DNAH11: variants seen among roughly 807,000 people sequenced by gnomAD.
DNAH11 encodes the protein axonemal beta dynein heavy chain 11.
DNAH11 carries 442 observed loss-of-function variants against 526.0 expected under a neutral mutation model. That is an observed-to-expected ratio of 0.84 (90% CI 0.78 to 0.91). The LOEUF (loss-of-function observed/expected upper bound fraction) is 0.91, where lower values mean the gene tolerates loss of function less well. Among genes scored for constraint, DNAH11 ranks in the 40% least tolerant of loss-of-function variants. The probability of loss-of-function intolerance (pLI) is 0.00; values close to 1 mark genes in which losing one functional copy is unlikely to be tolerated. For missense variants in DNAH11, 6,989 were observed against 5,448.7 expected, an observed-to-expected ratio of 1.28 and a Z score of -8.90; for synonymous variants, 2,461 against 1,935.9, an observed-to-expected ratio of 1.27 and a Z score of -7.12.
intron 28 of DNAH11, among the ~76,000 whole-genome samples, chr7:21,639,384 G>A (rs1342003166): frequency 2.0e-5 from 3 of 152,146 alleles, no homozygotes; most frequent in African/African-American, 4.8e-5. Flanking sequence ...CCATTGCCTG[G>A]TTAGCAGCTT....
chr7:21,639,415 C>T (rs185637248), intron 28 of DNAH11, among the ~76,000 whole-genome samples: 2 of 152,292 alleles, frequency 1.3e-5, no homozygotes, highest in African/African-American at 4.8e-5. Flanking sequence ...GAAAGGGTCA[C>T]TTGGAACAAG....
chr7:21,873,433 A>C lies in DNAH11; in HGVS notation c.12127A>C (p.Lys4043Gln). The C allele has an allele frequency of 1.9e-6, 3 of 1,614,004 alleles. No individual in the cohort carries two copies. Among genetic ancestry groups the C allele is most frequent in the Non-Finnish European group, 2.5e-6 (3 of 1,179,878 alleles). Reference protein sequence around the residue: ...IPQGLLENSIKITNEPPTGML... With the variant: ...IPQGLLENSIQITNEPPTGML... ...TCAAGGACTCCTGGAAAATTCCATT[A>C]AGATCACTAATGAACCCCCAACAGG... Residue 4043 changes from lysine (K) to glutamine (Q), a missense_variant, in exon 74 of 82, where the codon AAG (lysine) becomes CAG (glutamine). By Grantham distance (53) the Lys-to-Gln change is moderately conservative. Transcript: ENST00000409508.
intron 65 of DNAH11, among the ~76,000 whole-genome samples, chr7:21,822,621 T>C (rs1316858022): frequency 6.6e-6 from 1 of 152,196 alleles, no homozygotes; most frequent in Non-Finnish European, 1.5e-5. Context: ...AATATACTGA[T>C]TTCATTTATT....
intron 76 of DNAH11, among the ~76,000 whole-genome samples, chr7:21,889,219 A>G (rs1041851643): frequency 1.3e-5 from 2 of 152,256 alleles, no homozygotes; most frequent in East Asian, 3.8e-4. Flanking sequence ...GCTGTAGCAT[A>G]TATCAGTACT....
At chr7:21,730,076 C>A (rs1206865659) in intron 45 of DNAH11, among the ~76,000 whole-genome samples, 2 of 152,160 alleles carry the variant, frequency 1.3e-5, no homozygotes, top group African/African-American at 4.8e-5. Flanking sequence ...TATGGAGGTT[C>A]CTCAAATTAA....
intron 63 of DNAH11, among the ~76,000 whole-genome samples, chr7:21,814,543 G>C (rs1789688101): frequency 8.1e-6 from 1 of 122,816 alleles, no homozygotes; most frequent in South Asian, 2.5e-4. Flanking sequence ...AGGCCCCAGA[G>C]TGTGATGTTC....
chr7:21,759,527 C>T (rs1042402042), intron 54 of DNAH11, among the ~76,000 whole-genome samples: 1 of 152,150 alleles, frequency 6.6e-6, no homozygotes, highest in East Asian at 1.9e-4. Context: ...CTGCACTAAA[C>T]CTCCATTCCT....
chr7:21,754,569 C>A (rs1308614759), intron 54 of DNAH11, among the ~76,000 whole-genome samples: 1 of 151,764 alleles, frequency 6.6e-6, no homozygotes, highest in African/African-American at 2.4e-5. Context: ...TAATTTCCCC[C>A]CCCACCCCAT....
chr7:21,832,313 C>T (rs968408820), intron 65 of DNAH11, among the ~76,000 whole-genome samples: 4 of 152,134 alleles, frequency 2.6e-5, no homozygotes, highest in Non-Finnish European at 5.9e-5. Flanking sequence ...CAGTGGCTGG[C>T]ACCGGTTGTT....
At chr7:21,654,938 C>A (rs1327980871) in intron 28 of DNAH11, among the ~76,000 whole-genome samples, 3 of 152,174 alleles carry the variant, frequency 2.0e-5, no homozygotes, top group African/African-American at 7.2e-5. Context: ...GCTAACATAA[C>A]AAGATGAATA....
intron 14 of DNAH11, among the ~76,000 whole-genome samples, chr7:21,595,240 G>A (rs2128445107): frequency 6.6e-6 from 1 of 152,254 alleles, no homozygotes; most frequent in South Asian, 2.1e-4. Flanking sequence ...GTTTCATATA[G>A]GCAGTACTTT....
At chr7:21,888,172 C>G (rs1784199174) in intron 76 of DNAH11, among the ~76,000 whole-genome samples, 1 of 152,178 alleles carries the variant, frequency 6.6e-6, no homozygotes, top group African/African-American at 2.4e-5. Flanking sequence ...TGTACCTTTT[C>G]ATTCTCAAGA....
Position 21,606,551 on chromosome 7 carries a change from G to C in DNAH11, c.3765+9G>C. ...AATGTATTTTGTTTGACGTAAGCTA[G>C]TTACCAAGTTTTTGTTTTAAGAAAG... is the stretch of plus-strand genomic sequence containing the variant. On this transcript the variant is annotated intron_variant, in intron 19 of 81. Transcript: ENST00000409508. 6.3e-7 allele frequency: 1 copy of C among 1,593,202 alleles called. No homozygotes were observed. The highest frequency in any genetic ancestry group is 8.5e-7 in the Non-Finnish European group (1 of 1,172,550).
At chr7:21,561,649 A>G (rs1443437087) in intron 5 of DNAH11, among the ~76,000 whole-genome samples, 1 of 152,186 alleles carries the variant, frequency 6.6e-6, no homozygotes, top group Non-Finnish European at 1.5e-5. Context: ...TAGACAATGC[A>G]TGCATCTTGT....
intron 14 of DNAH11, among the ~76,000 whole-genome samples, chr7:21,597,971 G>A (rs1424645403): frequency 1.3e-5 from 2 of 152,110 alleles, no homozygotes; most frequent in African/African-American, 4.8e-5. Flanking sequence ...CACCTGGCTG[G>A]TAGGCAACAC....
rs1787001804 is a variant in DNAH11 at position 21,639,057 on chromosome 7, C to G, written c.4936C>G (p.Pro1646Ala). The change falls in exon 28 of 82, where the codon CCT becomes GCT. Residue 1646 changes from proline to alanine, a missense_variant. Physicochemically the swap from Pro to Ala is conservative, Grantham distance 27. Coordinates refer to ENST00000409508, the MANE Select transcript of DNAH11 (RefSeq NM_001277115.2). ...LLDILSKGAQ[P>A]KQVTCHLAKL... ...TGACATTCTCTCAAAAGGAGCTCAG[C>G]CTAAACAGGTAATATTTTTTTTGAA... The G allele has an allele frequency of 6.2e-7, 1 of 1,609,508 alleles. No individual in the cohort carries two copies. The highest frequency in any genetic ancestry group is 8.5e-7 in the Non-Finnish European group (1 of 1,178,710).
At position 21,873,293 on chromosome 7, in the gene DNAH11, A is replaced by T; in HGVS notation, c.11987A>T (p.Lys3996Met). 1 of 1,597,094 alleles carries T rather than the reference A, an allele frequency of 6.3e-7. No individual in the cohort carries two copies. The highest frequency in any genetic ancestry group is 8.5e-7 in the Non-Finnish European group (1 of 1,171,054). Residue 3996 changes from lysine to methionine, a missense_variant, in exon 74 of 82, where the codon AAG (lysine) becomes ATG (methionine). Coordinates refer to ENST00000409508, the MANE Select transcript of DNAH11 (RefSeq NM_001277115.2). ...VILQNVHLVA[K>M]WLGTLEKLLE... ...TTTCAGAATGTTCATTTGGTAGCCAAGTGGCTAGGAACCTTGGAGAAGCTC... is the reference window on the plus strand; with the variant it reads ...TTTCAGAATGTTCATTTGGTAGCCATGTGGCTAGGAACCTTGGAGAAGCTC...
At chr7:21,717,977 T>G in intron 43 of DNAH11, 52 bp downstream of exon 43, 1 of 1,554,306 alleles carries the variant, frequency 6.4e-7, no homozygotes, top group African/African-American at 1.4e-5. Context: ...CGGTAGTGTT[T>G]GTTGATCAAG....
At position 21,763,353 on chromosome 7, in the gene DNAH11, A is replaced by AAAAAAAAAAAAAAAGAAG. The variant is rs66803559; in HGVS notation, c.8941-2072_8941-2071insAAAAAAAAAAAGAAGAAA. On this transcript the variant is annotated intron_variant, in intron 54 of 81. Coordinates refer to ENST00000409508, the MANE Select transcript of DNAH11 (RefSeq NM_001277115.2). ...CAAGACTGTCTCAAAAAAAAAAAAA[A>AAAAAAAAAAAAAAAGAAG]AAAGAAAAAAAAAAAGACTTACAAA... is the stretch of plus-strand genomic sequence containing the variant. 1.8e-4 allele frequency among the ~76,000 whole-genome samples: 10 copies of AAAAAAAAAAAAAAAGAAG among 56,954 alleles called. 1 individual carries two copies. The highest frequency in any genetic ancestry group is 4.1e-4 in the African/African-American group (4 of 9,794). The allele number at this position is 56,954 out of a possible 152,430, so 37.4% of individuals were successfully genotyped here.
Sources: allele counts gnomAD v4.1 joint callset (sites outside exome capture counted in the v4.1 genomes callset), GRCh38; gene constraint gnomAD v4.1.1; transcripts MANE v1.5; gene names NCBI Gene and HGNC (gene_info 2026-07-23, HGNC 2026-07-21).